VAT1L: variants seen among roughly 807,000 people sequenced by gnomAD.
The protein encoded by VAT1L is putative NADPH-dependent quinone oxidoreductase VAT1L.
A neutral mutation model predicts 44.1 loss-of-function variants in VAT1L; 34 were observed. That is an observed-to-expected ratio of 0.77 (90% CI 0.59 to 1.03). VAT1L has a LOEUF of 1.03. Ranked by LOEUF, VAT1L falls within the 50% of genes least tolerant of loss-of-function variation. VAT1L has a pLI of 0.00. For missense variants in VAT1L, 615 were observed against 538.8 expected (o/e 1.14, Z -1.40); for synonymous variants, 253 against 202.2 (o/e 1.25, Z -2.13).
chr16:77,799,621 A>G (rs530232243), intron 1 of VAT1L, among the ~76,000 whole-genome samples: 1 of 152,066 alleles, frequency 6.6e-6, no homozygotes, highest in African/African-American at 2.4e-5. Flanking sequence ...ATTACCAGAA[A>G]GAGGGGGATA....
chr16:77,925,844 C>T (rs1384474609), intron 7 of VAT1L, among the ~76,000 whole-genome samples: 4 of 151,786 alleles, frequency 2.6e-5, no homozygotes, highest in African/African-American at 9.7e-5. Context: ...ATTCCCCCCA[C>T]CTCCCCCTGC....
At chr16:77,853,810 G>C (rs112704767) in intron 3 of VAT1L, among the ~76,000 whole-genome samples, 7 of 152,148 alleles carry the variant, frequency 4.6e-5, no homozygotes, top group African/African-American at 1.7e-4. Context: ...TGTCCACCAA[G>C]TCTTCTCAAA....
intron 7 of VAT1L, among the ~76,000 whole-genome samples, chr16:77,922,363 A>G (rs1001637330): frequency 5.3e-5 from 8 of 152,218 alleles, no homozygotes; most frequent in East Asian, 1.9e-4. Flanking sequence ...AGTTCCATCA[A>G]GGCAGCAGAG....
intron 7 of VAT1L, among the ~76,000 whole-genome samples, chr16:77,968,140 G>A (rs149532710): frequency 3.1e-4 from 47 of 152,244 alleles, no homozygotes; most frequent in African/African-American, 1.1e-3. Context: ...AGGCACTTAT[G>A]ATCTCCCAGT....
intron 7 of VAT1L, among the ~76,000 whole-genome samples, chr16:77,913,948 C>T (rs974131917): frequency 3.3e-5 from 5 of 152,304 alleles, no homozygotes; most frequent in Middle Eastern, 3.4e-3. Context: ...TCAGCAACAA[C>T]ATTGACTGAT....
At chr16:77,809,278 A>T (rs1039206044) in intron 1 of VAT1L, among the ~76,000 whole-genome samples, 2 of 152,202 alleles carry the variant, frequency 1.3e-5, no homozygotes, top group Non-Finnish European at 2.9e-5. Context: ...TGATACATAG[A>T]AAGCGCCCCA....
intron 3 of VAT1L, among the ~76,000 whole-genome samples, chr16:77,854,452 T>C (rs2016838250): frequency 1.3e-5 from 2 of 152,210 alleles, no homozygotes; most frequent in Admixed American, 6.5e-5. Context: ...CTTACAACAA[T>C]TGAGTCACTG....
At chr16:77,899,199 G>C (rs1025577231) in intron 7 of VAT1L, among the ~76,000 whole-genome samples, 1 of 152,196 alleles carries the variant, frequency 6.6e-6, no homozygotes, top group African/African-American at 2.4e-5. Context: ...TAAGTGACCT[G>C]GTCAAGGTTA....
intron 7 of VAT1L, among the ~76,000 whole-genome samples, chr16:77,912,009 C>T (rs1305989755): frequency 6.6e-6 from 1 of 152,192 alleles, no homozygotes; most frequent in African/African-American, 2.4e-5. Flanking sequence ...TTTGTAGTCT[C>T]ATCTTGGACC....
chr16:77,866,595 A>G, intron 4 of VAT1L, among the ~76,000 whole-genome samples: 2 of 151,138 alleles, frequency 1.3e-5, no homozygotes, highest in Non-Finnish European at 2.9e-5. Context: ...TTACGCTATT[A>G]GGTGTACAAT....
At chr16:77,957,988 A>G (rs1171168115) in intron 7 of VAT1L, among the ~76,000 whole-genome samples, 1 of 151,886 alleles carries the variant, frequency 6.6e-6, no homozygotes, top group East Asian at 1.9e-4. Context: ...GCTCACTGCA[A>G]TCTCTGCCCA....
At chr16:77,893,846 T>C (rs2017293787) in intron 7 of VAT1L, among the ~76,000 whole-genome samples, 1 of 152,188 alleles carries the variant, frequency 6.6e-6, no homozygotes, top group South Asian at 2.1e-4. Flanking sequence ...TGGAAAGGTA[T>C]AATGAATAAA....
intron 2 of VAT1L, among the ~76,000 whole-genome samples, chr16:77,821,747 C>G (rs1437517881): frequency 6.6e-6 from 1 of 151,780 alleles, no homozygotes; most frequent in Non-Finnish European, 1.5e-5. Flanking sequence ...AATTTGCTGT[C>G]TACTCAGTGC....
At chr16:77,830,680 A>T (rs181350716) in intron 3 of VAT1L, among the ~76,000 whole-genome samples, 5 of 151,700 alleles carry the variant, frequency 3.3e-5, no homozygotes, top group Admixed American at 1.3e-4. Context: ...AGTCCATTAA[A>T]CCTCTTATTC....
At chr16:77,924,388 G>A (rs1022963708) in intron 7 of VAT1L, among the ~76,000 whole-genome samples, 2 of 151,998 alleles carry the variant, frequency 1.3e-5, no homozygotes, top group African/African-American at 2.4e-5. Context: ...TGAGAGCCGG[G>A]AATGAGCACA....
intron 5 of VAT1L, among the ~76,000 whole-genome samples, chr16:77,878,041 C>G (rs2017108369): frequency 6.6e-6 from 1 of 152,186 alleles, no homozygotes; most frequent in Admixed American, 6.5e-5. Context: ...GTCCCAGTTT[C>G]TTGATGTCAT....
chr16:77,871,251 C>T (rs1228743075), intron 4 of VAT1L, among the ~76,000 whole-genome samples: 1 of 152,044 alleles, frequency 6.6e-6, no homozygotes, highest in Non-Finnish European at 1.5e-5. Context: ...CACCCCACCA[C>T]TGACCTTCAA....
At chr16:77,818,492 A>C (rs1401654329) in intron 2 of VAT1L, among the ~76,000 whole-genome samples, 1 of 152,154 alleles carries the variant, frequency 6.6e-6, no homozygotes, top group Non-Finnish European at 1.5e-5. Flanking sequence ...GCACATAAGA[A>C]ATATTATCTT....
intron 7 of VAT1L, among the ~76,000 whole-genome samples, chr16:77,902,707 G>A (rs1223455430): frequency 8.8e-6 from 1 of 114,020 alleles, no homozygotes; most frequent in Non-Finnish European, 1.7e-5. Context: ...TGTAATCCCA[G>A]CACTTTGGGA....
Sources: allele counts gnomAD v4.1 joint callset (sites outside exome capture counted in the v4.1 genomes callset), GRCh38; gene constraint gnomAD v4.1.1; transcripts MANE v1.5; gene names NCBI Gene and HGNC (gene_info 2026-07-23, HGNC 2026-07-21).